The following TAFA2 variants were observed in gnomAD, a reference collection of about 807,000 sequenced individuals.
The protein encoded by TAFA2 is TAFA chemokine like family member 2.
TAFA2 carries 7 observed loss-of-function variants against 18.8 expected under a neutral mutation model. The ratio of observed to expected loss-of-function variants is 0.37; its 90% CI spans 0.21 to 0.70. TAFA2 has a LOEUF of 0.70. TAFA2 is among the 30% of genes least tolerant of loss of function. The pLI, the probability that TAFA2 is intolerant of heterozygous loss-of-function variation, is 0.53. For missense variants in TAFA2, 122 were observed against 158.1 expected (o/e 0.77, Z 1.23); for synonymous variants, 60 against 54.2 (o/e 1.11, Z -0.47).
chr12:62,025,430 A>C (rs1423825669), intron 1 of TAFA2, among the ~76,000 whole-genome samples: 1 of 152,186 alleles, frequency 6.6e-6, no homozygotes, highest in Non-Finnish European at 1.5e-5. Flanking sequence ...TTAAAAATTA[A>C]AAAATAAGCA....
intron 1 of TAFA2, among the ~76,000 whole-genome samples, chr12:62,053,289 T>C (rs930672414): frequency 1.3e-5 from 2 of 152,254 alleles, no homozygotes; most frequent in African/African-American, 2.4e-5. Flanking sequence ...TTACTTGTTT[T>C]GTTAGCATAA....
At chr12:61,723,485 AG>A (rs987035302) in intron 4 of TAFA2, among the ~76,000 whole-genome samples, 3 of 152,084 alleles carry the variant, frequency 2.0e-5, no homozygotes, top group African/African-American at 7.2e-5. Context: ...GTAAACAGCA[AG>A]GGGGGTGATT....
intron 4 of TAFA2, among the ~76,000 whole-genome samples, chr12:61,725,598 A>AT (rs1870126450): frequency 6.6e-6 from 1 of 151,916 alleles, no homozygotes; most frequent in African/African-American, 2.4e-5. Context: ...AGCTATAAGT[A>AT]TTTTGCTTCA....
intron 1 of TAFA2, among the ~76,000 whole-genome samples, chr12:62,114,632 T>C (rs1333559731): frequency 6.6e-6 from 1 of 152,224 alleles, no homozygotes; most frequent in East Asian, 1.9e-4. Context: ...ATATTAATTA[T>C]GTAGTCAGAT....
chr12:62,113,400 T>G (rs1049100804), intron 1 of TAFA2, among the ~76,000 whole-genome samples: 1 of 152,126 alleles, frequency 6.6e-6, no homozygotes, highest in Non-Finnish European at 1.5e-5. Context: ...GCCAGAGCTC[T>G]CCTATATGAG....
At chr12:62,131,197 TC>T (rs1266916654) in intron 1 of TAFA2, among the ~76,000 whole-genome samples, 1 of 151,840 alleles carries the variant, frequency 6.6e-6, no homozygotes, top group Non-Finnish European at 1.5e-5. Context: ...AAGCAAAATG[TC>T]AGAGCCCATC....
At chr12:62,114,505 T>G (rs1869874997) in intron 1 of TAFA2, among the ~76,000 whole-genome samples, 1 of 152,204 alleles carries the variant, frequency 6.6e-6, no homozygotes, top group African/African-American at 2.4e-5. Flanking sequence ...GTAACAAAAT[T>G]GTTTAAGAAT....
intron 1 of TAFA2, among the ~76,000 whole-genome samples, chr12:62,013,983 T>A (rs1880848658): frequency 6.6e-6 from 1 of 152,222 alleles, no homozygotes; most frequent in Non-Finnish European, 1.5e-5. Context: ...CCATGAATAG[T>A]GCCAGGGACA....
intron 2 of TAFA2, among the ~76,000 whole-genome samples, chr12:61,820,544 G>C (rs1277858931): frequency 6.6e-6 from 1 of 151,408 alleles, no homozygotes; most frequent in Non-Finnish European, 1.5e-5. Context: ...AGAAAGAAAG[G>C]AAGGAGAAAG....
At chr12:62,051,165 G>C (rs914854690) in intron 1 of TAFA2, among the ~76,000 whole-genome samples, 6 of 152,116 alleles carry the variant, frequency 3.9e-5, no homozygotes, top group African/African-American at 1.4e-4. Flanking sequence ...TGTGCTTCCT[G>C]ACAGCTAGGA....
chr12:61,882,849 T>C (rs1003357576), intron 1 of TAFA2, among the ~76,000 whole-genome samples: 6 of 152,206 alleles, frequency 3.9e-5, no homozygotes, highest in African/African-American at 1.4e-4. Flanking sequence ...AATCCTTTAA[T>C]TCCTCTGAGC....
At position 62,126,667 on chromosome 12, in the gene TAFA2, G is replaced by C. The variant is rs140314931; in HGVS notation, c.-2+64592C>G. On this transcript the variant is annotated intron_variant, in intron 1 of 4. Coordinates refer to ENST00000416284, the MANE Select transcript of TAFA2 (RefSeq NM_178539.5). ...GAGAATCAAGGTATGAAACAGCATA[G>C]TATGAATGCATAAGTATAAACGATG... Among the ~76,000 whole-genome samples the C allele has an allele frequency of 6.8e-3, 1,040 of 152,148 alleles. 17 individuals are homozygous for C. Among genetic ancestry groups the C allele is most frequent in the African/African-American group, 0.024 (981 of 41,520 alleles).
At chr12:62,159,002 C>T (rs2062389434) in intron 1 of TAFA2, among the ~76,000 whole-genome samples, 1 of 152,124 alleles carries the variant, frequency 6.6e-6, no homozygotes, top group East Asian at 1.9e-4. Flanking sequence ...ACAGATTATA[C>T]AGGTATGATA....
At chr12:62,128,202 A>C (rs976073689) in intron 1 of TAFA2, among the ~76,000 whole-genome samples, 1 of 152,068 alleles carries the variant, frequency 6.6e-6, no homozygotes, top group Non-Finnish European at 1.5e-5. Flanking sequence ...AATTAGGATT[A>C]TGGTTTGAGA....
At chr12:61,977,834 T>C (rs1879490843) in intron 1 of TAFA2, among the ~76,000 whole-genome samples, 1 of 152,052 alleles carries the variant, frequency 6.6e-6, no homozygotes, top group African/African-American at 2.4e-5. Flanking sequence ...GCTCTCACAA[T>C]GCAAGCACAG....
intron 1 of TAFA2, among the ~76,000 whole-genome samples, chr12:61,901,259 C>CTTTTTTTTTTTTTTTTTTT: frequency 9.2e-5 from 1 of 10,898 alleles, no homozygotes; most frequent in Admixed American, 8.4e-4. Context: ...TTCAATTTCA[C>CTTTTTTTTTTTTTTTTTTT]TTTTTTTTTT....
chr12:62,007,232 C>G (rs1880583429), intron 1 of TAFA2, among the ~76,000 whole-genome samples: 1 of 152,186 alleles, frequency 6.6e-6, no homozygotes. Context: ...CACACATAGA[C>G]ACACAGCCTC....
chr12:62,127,406 G>A (rs927733247), intron 1 of TAFA2, among the ~76,000 whole-genome samples: 2 of 151,676 alleles, frequency 1.3e-5, no homozygotes, highest in East Asian at 3.9e-4. Flanking sequence ...ACTTATTTTT[G>A]CATTCTTGTT....
At chr12:61,989,340 A>C (rs1270255709) in intron 1 of TAFA2, among the ~76,000 whole-genome samples, 5 of 152,158 alleles carry the variant, frequency 3.3e-5, no homozygotes, top group Non-Finnish European at 5.9e-5. Context: ...TACCCAAAAA[A>C]GGTTTATGCC....
Sources: gnomAD v4.1 joint callset for allele counts (sites outside exome capture counted in the v4.1 genomes callset) on GRCh38, gnomAD v4.1.1 for gene constraint, MANE v1.5 for transcripts, NCBI Gene and HGNC (gene_info 2026-07-23, HGNC 2026-07-21) for gene names.